The following CYSLTR2 variants were observed in gnomAD, a reference collection of about 807,000 sequenced individuals.
CYSLTR2 encodes the protein G-protein coupled receptor GPCR21.
For missense variants in CYSLTR2, 398 were observed against 411.9 expected, an observed-to-expected ratio of 0.97 and a Z score of 0.29; for synonymous variants, 179 against 160.8, an observed-to-expected ratio of 1.11 and a Z score of -0.86.
intron 1 of CYSLTR2, among the ~76,000 whole-genome samples, chr13:48,660,515 A>G (rs915361920): frequency 1.3e-5 from 2 of 152,152 alleles, no homozygotes; most frequent in Non-Finnish European, 2.9e-5. Context: ...AAATTCTCCA[A>G]GGCACTGAGT....
chr13:48,687,708 A>C (rs970733556), intron 1 of CYSLTR2, among the ~76,000 whole-genome samples: 1 of 151,984 alleles, frequency 6.6e-6, no homozygotes, highest in African/African-American at 2.4e-5. Flanking sequence ...TTTTTTGGAG[A>C]TTTCTTTGCA....
chr13:48,665,152 G>C (rs1226688337), intron 1 of CYSLTR2, among the ~76,000 whole-genome samples: 1 of 151,798 alleles, frequency 6.6e-6, no homozygotes, highest in African/African-American at 2.4e-5. Flanking sequence ...ATCTATTTTT[G>C]TTCCCTTGTG....
At chr13:48,671,806 G>A (rs1953438154) in intron 1 of CYSLTR2, among the ~76,000 whole-genome samples, 1 of 152,164 alleles carries the variant, frequency 6.6e-6, no homozygotes, top group South Asian at 2.1e-4. Context: ...ATGAGTTAGG[G>A]AGAGTCCTTC....
intron 1 of CYSLTR2, among the ~76,000 whole-genome samples, chr13:48,677,042 C>T (rs572703193): frequency 1.3e-5 from 2 of 152,040 alleles, no homozygotes; most frequent in Admixed American, 6.6e-5. Context: ...CAGTGGGTGT[C>T]CACAATAGGG....
At chr13:48,675,123 G>A (rs1953558320) in intron 1 of CYSLTR2, among the ~76,000 whole-genome samples, 3 of 152,182 alleles carry the variant, frequency 2.0e-5, no homozygotes, top group African/African-American at 7.2e-5. Context: ...GGGGTTCAGG[G>A]ATCCACTTGA....
intron 1 of CYSLTR2, among the ~76,000 whole-genome samples, chr13:48,684,298 T>C (rs980315842): frequency 6.6e-6 from 1 of 151,988 alleles, no homozygotes; most frequent in African/African-American, 2.4e-5. Context: ...AGGAGTGGGG[T>C]AATCTTGAGA....
chr13:48,654,251 T>TGTG (rs1952942775), intron 1 of CYSLTR2, among the ~76,000 whole-genome samples: 2 of 129,208 alleles, frequency 1.5e-5, no homozygotes, highest in African/African-American at 2.8e-5. Flanking sequence ...GATCGTCCCT[T>TGTG]TGTGTGTGTG....
chr13:48,677,315 T>C (rs1367268652), intron 1 of CYSLTR2, among the ~76,000 whole-genome samples: 3 of 152,124 alleles, frequency 2.0e-5, no homozygotes, highest in Admixed American at 6.6e-5. Flanking sequence ...GGCATATTGC[T>C]GTAGATTAGG....
intron 1 of CYSLTR2, among the ~76,000 whole-genome samples, chr13:48,666,702 T>C (rs1209968013): frequency 2.0e-5 from 3 of 152,178 alleles, no homozygotes; most frequent in Non-Finnish European, 2.9e-5. Flanking sequence ...ATTATATTTT[T>C]ATTTCATTCA....
In CYSLTR2 at chr13:48,695,406, T is replaced by TC. The variant is rs3059463; in HGVS notation, c.-102-1120_-102-1119insC. ...CTTTCTTTCTTTCTCTCTCTCTCTC[T>TC]TTCTCTCTCTCTCTCTCATAGAGAT... is the stretch of plus-strand genomic sequence containing the variant. On this transcript the variant is annotated intron_variant, in intron 3 of 4. Transcript: ENST00000682523. 1.5e-3 allele frequency among the ~76,000 whole-genome samples: 226 copies of TC among 150,212 alleles called. 1 individual carries two copies. Among genetic ancestry groups the TC allele is most frequent in the African/African-American group, 5.2e-3 (212 of 40,524 alleles).
intron 1 of CYSLTR2, among the ~76,000 whole-genome samples, chr13:48,680,848 T>C (rs1593976146): frequency 6.9e-6 from 1 of 145,390 alleles, no homozygotes; most frequent in South Asian, 2.2e-4. Flanking sequence ...TGCAGTGTGG[T>C]GTAGTCAAAT....
At chr13:48,688,821 A>G (rs1414588986) in intron 1 of CYSLTR2, among the ~76,000 whole-genome samples, 1 of 152,238 alleles carries the variant, frequency 6.6e-6, no homozygotes, top group Non-Finnish European at 1.5e-5. Flanking sequence ...TAAATCCTTG[A>G]GGAATCGCCG....
intron 1 of CYSLTR2, among the ~76,000 whole-genome samples, chr13:48,686,523 A>G (rs1953896771): frequency 6.6e-6 from 1 of 152,214 alleles, no homozygotes; most frequent in South Asian, 2.1e-4. Context: ...AGACTCTGAA[A>G]ACAGGGACCC....
At position 48,710,359 on chromosome 13, in the gene CYSLTR2, T is replaced by C. The variant is rs1954605774; in HGVS notation, c.*2501T>C. On this transcript the variant is annotated 3_prime_UTR_variant, in exon 5 of 5. Coordinates refer to ENST00000682523, the MANE Select transcript of CYSLTR2 (RefSeq NM_001308476.3). ...TTCTCCAGTGGATCCACAATGTATA[T>C]GCTACCCACCCATGAGTCACTTAGT... The C allele has an allele frequency of 1.3e-5, 2 of 152,208 alleles. No homozygotes were observed. The highest frequency in any genetic ancestry group is 1.3e-4 in the Admixed American group (2 of 15,278). 9.4% of individuals were successfully genotyped at this position (152,208 alleles called of 1,614,324 possible).
intron 1 of CYSLTR2, among the ~76,000 whole-genome samples, chr13:48,686,112 C>A (rs1265063831): frequency 6.6e-6 from 1 of 152,050 alleles, no homozygotes; most frequent in Non-Finnish European, 1.5e-5. Flanking sequence ...TTTTTGACAT[C>A]ATTTACATGC....
chr13:48,696,665 G>A (rs1367639117), intron 4 of CYSLTR2, 39 bp downstream of exon 4: 1 of 152,230 alleles, frequency 6.6e-6, no homozygotes, highest in Non-Finnish European at 1.5e-5. Flanking sequence ...CAGACAGTGG[G>A]TGCAGCCCAT....
At chr13:48,677,999 G>A (rs1049598599) in intron 1 of CYSLTR2, among the ~76,000 whole-genome samples, 11 of 151,838 alleles carry the variant, frequency 7.2e-5, no homozygotes, top group African/African-American at 2.7e-4. Flanking sequence ...AGCCTCCTGA[G>A]TATCTGGGAT....
Position 48,663,943 on chromosome 13 carries a change from G to T in CYSLTR2, c.-266+9926G>T, listed in dbSNP as rs187094000. Among the ~76,000 whole-genome samples, 3 of 152,110 alleles carry T rather than the reference G, an allele frequency of 2.0e-5. No individual in the cohort carries two copies. The East Asian group carries it at 5.8e-4, about 29-fold the overall frequency. On this transcript the variant is annotated intron_variant, in intron 1 of 4. Coordinates refer to ENST00000682523, the MANE Select transcript of CYSLTR2 (RefSeq NM_001308476.3). ...AAAACTTCCAACTTTTTCTAATTTA[G>T]TAAGATGTTTGCTGTGAGTTTGTCA...
chr13:48,654,651 A>T (rs1445061455), intron 1 of CYSLTR2, among the ~76,000 whole-genome samples: 1 of 152,202 alleles, frequency 6.6e-6, no homozygotes, highest in Admixed American at 6.5e-5. Context: ...AGAATGAAAG[A>T]GTATGTGAGA....
Sources: gnomAD v4.1 joint callset for allele counts (sites outside exome capture counted in the v4.1 genomes callset) on GRCh38, gnomAD v4.1.1 for gene constraint, MANE v1.5 for transcripts, NCBI Gene and HGNC (gene_info 2026-07-23, HGNC 2026-07-21) for gene names.